NEK7: variants seen among roughly 807,000 people sequenced by gnomAD.
The protein encoded by NEK7 is NIMA related kinase 7.
In NEK7, 18 loss-of-function variants were observed where a neutral mutation model predicts 44.6. That is an observed-to-expected ratio of 0.40 (90% CI 0.28 to 0.60). The LOEUF is 0.60. Ranked by LOEUF, NEK7 falls within the 20% of genes least tolerant of loss-of-function variation. The probability of loss-of-function intolerance (pLI) is 0.38; values close to 1 mark genes in which losing one functional copy is unlikely to be tolerated. For missense variants in NEK7, 256 were observed against 366.5 expected (o/e 0.70, Z 2.46); for synonymous variants, 130 against 121.1 (o/e 1.07, Z -0.48).
At chr1:198,238,572 C>T (rs954265982) in intron 2 of NEK7, among the ~76,000 whole-genome samples, 1 of 152,204 alleles carries the variant, frequency 6.6e-6, no homozygotes, top group Non-Finnish European at 1.5e-5. Flanking sequence ...GTACCTACCC[C>T]ATTACCCCAT....
At position 198,289,307 on chromosome 1, in the gene NEK7, A is replaced by G. The variant is rs536360953; in HGVS notation, c.590-3638A>G. ...TTCTAAACTCAGTTCGTTTGTTTGTACTCTCCGACTTAAAACACTCTCACT... is the reference window on the plus strand; with the variant it reads ...TTCTAAACTCAGTTCGTTTGTTTGTGCTCTCCGACTTAAAACACTCTCACT... On this transcript the variant is annotated intron_variant, in intron 7 of 9. Transcript: ENST00000367385. Among the ~76,000 whole-genome samples the G allele has an allele frequency of 2.6e-5, 4 of 151,970 alleles. No homozygotes were observed. The East Asian group carries it at 7.7e-4, about 29-fold the overall frequency.
rs900301497 is a variant in NEK7 at position 198,320,334 on chromosome 1, C to A, written c.*812C>A. 6.6e-6 allele frequency: 1 copy of A among 151,982 alleles called. No homozygotes were observed. Among genetic ancestry groups the A allele is most frequent in the Non-Finnish European group, 1.5e-5 (1 of 67,970 alleles). 9.4% of individuals were successfully genotyped at this position (151,982 alleles called of 1,614,324 possible). On this transcript the variant is annotated 3_prime_UTR_variant, in exon 10 of 10. Transcript: ENST00000367385. ...GTTGTTTGTACATTTGAAAAATATT[C>A]TTTGAATAACCTTGCAGTACTATAT...
At chr1:198,236,594 T>C (rs1297532015) in intron 2 of NEK7, among the ~76,000 whole-genome samples, 2 of 152,114 alleles carry the variant, frequency 1.3e-5, no homozygotes, top group Non-Finnish European at 2.9e-5. Context: ...ATGCCCTTGC[T>C]CCTATTTTAC....
At chr1:198,311,454 G>A (rs1201978349) in intron 9 of NEK7, among the ~76,000 whole-genome samples, 2 of 151,464 alleles carry the variant, frequency 1.3e-5, no homozygotes, top group African/African-American at 2.4e-5. Context: ...AATTGCCCTG[G>A]CCAGTGCTTC....
intron 9 of NEK7, among the ~76,000 whole-genome samples, chr1:198,304,255 G>A (rs898142363): frequency 6.6e-6 from 1 of 152,258 alleles, no homozygotes; most frequent in East Asian, 1.9e-4. Flanking sequence ...ATCTTCAGCT[G>A]TGAAATATAG....
rs541078844 is a variant in NEK7, at chr1:198,173,802, GT to G, written c.-29+16534del. 2.6e-4 allele frequency among the ~76,000 whole-genome samples: 39 copies of G among 151,954 alleles called. No individual in the cohort carries two copies. In the South Asian group the frequency reaches 6.2e-3, roughly 24 times the overall value. ...TTATATAAAAAACTTTATAATTAAAGTTTTTTTTATAGAACATCGTAGATAG... is the reference window on the plus strand; with the variant it reads ...TTATATAAAAAACTTTATAATTAAAGTTTTTTTATAGAACATCGTAGATAG... On this transcript the variant is annotated intron_variant, in intron 1 of 9. Coordinates refer to ENST00000367385, the MANE Select transcript of NEK7 (RefSeq NM_133494.3).
intron 1 of NEK7, among the ~76,000 whole-genome samples, chr1:198,227,503 T>G (rs1341887334): frequency 6.6e-6 from 1 of 152,218 alleles, no homozygotes; most frequent in Non-Finnish European, 1.5e-5. Flanking sequence ...AAAGTGTTCC[T>G]ATTTCTCCAC....
intron 1 of NEK7, chr1:198,197,875 CT>C: frequency 9.9e-7 from 1 of 1,011,128 alleles, no homozygotes. Context: ...TCATCTGCAT[CT>C]TCTTGTCCTC....
At chr1:198,236,729 C>T (rs1277451075) in intron 2 of NEK7, among the ~76,000 whole-genome samples, 2 of 152,134 alleles carry the variant, frequency 1.3e-5, no homozygotes, top group Non-Finnish European at 2.9e-5. Context: ...CCACACTGCT[C>T]TCAAAGGCCA....
intron 1 of NEK7, among the ~76,000 whole-genome samples, chr1:198,195,181 A>G (rs1665195790): frequency 6.6e-6 from 1 of 152,146 alleles, no homozygotes; most frequent in Admixed American, 6.5e-5. Flanking sequence ...TATTAAAAAA[A>G]TTCTGAATTG....
chr1:198,157,913 A>G (rs1310747858), intron 1 of NEK7, among the ~76,000 whole-genome samples: 1 of 152,146 alleles, frequency 6.6e-6, no homozygotes, highest in Non-Finnish European at 1.5e-5. Context: ...GGCAATGGAA[A>G]AGAAATTGAA....
chr1:198,253,226 T>A (rs1558080122), intron 3 of NEK7, 46 bp downstream of exon 3: 5 of 1,297,996 alleles, frequency 3.9e-6, no homozygotes, highest in Non-Finnish European at 5.4e-6. Context: ...TTATACTATG[T>A]GAATTATAGA....
chr1:198,281,863 G>A (rs948486570), intron 7 of NEK7, among the ~76,000 whole-genome samples: 7 of 151,954 alleles, frequency 4.6e-5, no homozygotes, highest in Admixed American at 1.3e-4. Flanking sequence ...CCTGTAGTCT[G>A]TCTTCTGTAG....
chr1:198,255,487 A>C (rs1197565265), intron 3 of NEK7, among the ~76,000 whole-genome samples: 1 of 152,120 alleles, frequency 6.6e-6, no homozygotes, highest in Non-Finnish European at 1.5e-5. Context: ...TAGAAACAGA[A>C]AGAAAGAAGG....
At chr1:198,269,256 C>T (rs1008212999) in intron 5 of NEK7, among the ~76,000 whole-genome samples, 1 of 151,974 alleles carries the variant, frequency 6.6e-6, no homozygotes, top group Non-Finnish European at 1.5e-5. Flanking sequence ...TTCTCTGTTC[C>T]AGGGCTCAGT....
In NEK7 at chr1:198,297,347, A is replaced by G. The variant is rs892431875; in HGVS notation, c.798+107A>G. The G allele has an allele frequency of 6.8e-6, 9 of 1,315,808 alleles. No homozygotes were observed. The Admixed American group carries it at 8.6e-5, about 13-fold the overall frequency. 81.5% of individuals were successfully genotyped at this position (1,315,808 alleles called of 1,614,324 possible). ...AAAAATGAAAATGAATGGTATAGGT[A>G]GCAGAACTAGCACTTTTTAATTCTG... is the stretch of plus-strand genomic sequence containing the variant. On this transcript the variant is annotated intron_variant, in intron 9 of 9. Transcript: ENST00000367385.
chr1:198,314,049 C>T (rs1655273975), intron 9 of NEK7, among the ~76,000 whole-genome samples: 1 of 151,872 alleles, frequency 6.6e-6, no homozygotes, highest in Non-Finnish European at 1.5e-5. Context: ...GTTCCATTCT[C>T]CCCGTCACTT....
intron 5 of NEK7, among the ~76,000 whole-genome samples, chr1:198,273,836 A>G (rs1220733744): frequency 6.6e-6 from 1 of 151,734 alleles, no homozygotes; most frequent in Non-Finnish European, 1.5e-5. Flanking sequence ...TTTCTGTTTT[A>G]TTTGAAACTA....
chr1:198,216,115 C>T lies in NEK7; in HGVS notation c.-28-16438C>T, dbSNP rs150065857. ...CACGGAACATTCTACCCAAAAACTG[C>T]AGAATATACATTTTTCTCATCAGCA... On this transcript the variant is annotated intron_variant, in intron 1 of 9. Coordinates refer to ENST00000367385, the MANE Select transcript of NEK7 (RefSeq NM_133494.3). 2.1e-4 allele frequency among the ~76,000 whole-genome samples: 32 copies of T among 152,192 alleles called. No individual in the cohort carries two copies. In the East Asian group the frequency reaches 5.8e-3, roughly 28 times the overall value.
Sources: allele counts gnomAD v4.1 joint callset (sites outside exome capture counted in the v4.1 genomes callset), GRCh38; gene constraint gnomAD v4.1.1; transcripts MANE v1.5; gene names NCBI Gene and HGNC (gene_info 2026-07-23, HGNC 2026-07-21).